NCAM2: variants seen among roughly 807,000 people sequenced by gnomAD.
NCAM2 encodes N-CAM-2.
A neutral mutation model predicts 98.1 loss-of-function variants in NCAM2; 30 were observed. The observed-to-expected ratio is 0.31, with a 90% CI of 0.23 to 0.41. The LOEUF (loss-of-function observed/expected upper bound fraction) is 0.41. Among genes scored for constraint, NCAM2 ranks in the 10% least tolerant of loss-of-function variants. NCAM2 has a pLI of 1.00. For synonymous variants in NCAM2, 368 were observed against 342.4 expected (o/e 1.07, Z -0.83); for missense variants, 867 against 1,005.8 (o/e 0.86, Z 1.87).
chr21:21,301,396 T>A (rs888565833), intron 5 of NCAM2, among the ~76,000 whole-genome samples: 28 of 138,594 alleles, frequency 2.0e-4, no homozygotes, highest in East Asian at 1.7e-3. Flanking sequence ...TTTTTTTTTT[T>A]AATTATACTT....
At chr21:21,462,238 A>G (rs9977956) in intron 12 of NCAM2, among the ~76,000 whole-genome samples, 6,592 of 152,138 alleles carry the variant, frequency 0.043, 480 homozygotes, top group African/African-American at 0.15. Context: ...ATTGGGGTTA[A>G]GTGATAAAGC....
chr21:21,184,009 T>G (rs2146927557), intron 1 of NCAM2, among the ~76,000 whole-genome samples: 1 of 152,226 alleles, frequency 6.6e-6, no homozygotes, highest in South Asian at 2.1e-4. Context: ...ACCAGAATGT[T>G]TATTATCTTA....
At chr21:21,365,238 CGT>C (rs66559489) in intron 8 of NCAM2, among the ~76,000 whole-genome samples, 1,900 of 146,980 alleles carry the variant, frequency 0.013, 47 homozygotes, top group African/African-American at 0.045. Flanking sequence ...TTGCTTAGTG[CGT>C]GTGTGTGTGT....
intron 12 of NCAM2, among the ~76,000 whole-genome samples, chr21:21,435,691 A>C (rs926579882): frequency 6.6e-6 from 1 of 152,162 alleles, no homozygotes; most frequent in Non-Finnish European, 1.5e-5. Context: ...CTACAGAAAC[A>C]TGCCCGCTAC....
chr21:21,363,744 A>G (rs2075712423), intron 8 of NCAM2, among the ~76,000 whole-genome samples: 1 of 152,074 alleles, frequency 6.6e-6, no homozygotes, highest in Non-Finnish European at 1.5e-5. Flanking sequence ...TTTTTACAAA[A>G]TCCATACTCT....
intron 1 of NCAM2, among the ~76,000 whole-genome samples, chr21:21,114,612 T>C (rs2066516343): frequency 6.6e-6 from 1 of 152,188 alleles, no homozygotes; most frequent in Admixed American, 6.5e-5. Flanking sequence ...TGAGCTACTT[T>C]AATGATGCCA....
chr21:21,474,629 A>T (rs768198884), intron 14 of NCAM2, among the ~76,000 whole-genome samples: 1 of 152,042 alleles, frequency 6.6e-6, no homozygotes, highest in Non-Finnish European at 1.5e-5. Context: ...ATTTACTCAC[A>T]TCAACCACTT....
intron 16 of NCAM2, among the ~76,000 whole-genome samples, chr21:21,530,257 AT>A (rs1376535990): frequency 7.7e-6 from 1 of 130,632 alleles, no homozygotes; most frequent in Non-Finnish European, 1.6e-5. Context: ...ATTATATATA[AT>A]TTAATTTAAT....
intron 16 of NCAM2, among the ~76,000 whole-genome samples, chr21:21,528,807 C>G (rs1433042292): frequency 6.6e-6 from 1 of 151,936 alleles, no homozygotes; most frequent in Admixed American, 6.6e-5. Context: ...CTGAATTACA[C>G]TAATCTAAAT....
At chr21:21,341,554 G>C (rs141229137) in intron 8 of NCAM2, among the ~76,000 whole-genome samples, 179 of 152,174 alleles carry the variant, frequency 1.2e-3, no homozygotes, top group African/African-American at 4.1e-3. Flanking sequence ...GTCAAGTTTT[G>C]ATGAAACTAA....
chr21:21,191,000 T>A (rs2068803603), intron 1 of NCAM2, among the ~76,000 whole-genome samples: 1 of 152,188 alleles, frequency 6.6e-6, no homozygotes, highest in African/African-American at 2.4e-5. Flanking sequence ...ATACAGTATT[T>A]ATTAGATACT....
intron 6 of NCAM2, among the ~76,000 whole-genome samples, chr21:21,332,804 G>A (rs906818050): frequency 6.6e-6 from 1 of 152,274 alleles, no homozygotes. Context: ...GGCAGTCAGC[G>A]ATGGAGGTAC....
At chr21:21,221,263 G>A (rs1008581532) in intron 1 of NCAM2, among the ~76,000 whole-genome samples, 4 of 151,874 alleles carry the variant, frequency 2.6e-5, no homozygotes, top group African/African-American at 7.3e-5. Context: ...TTGAAATTTG[G>A]TCAATTACCA....
At chr21:21,309,180 T>C (rs896405651) in intron 5 of NCAM2, among the ~76,000 whole-genome samples, 2 of 152,218 alleles carry the variant, frequency 1.3e-5, no homozygotes, top group Admixed American at 1.3e-4. Context: ...AATTATATTT[T>C]ATCCTCATTA....
chr21:21,039,607 G>A (rs2064864906), intron 1 of NCAM2, among the ~76,000 whole-genome samples: 1 of 151,946 alleles, frequency 6.6e-6, no homozygotes, highest in Admixed American at 6.6e-5. Flanking sequence ...TGTAACTTCA[G>A]GGCAAAAGGA....
chr21:21,464,947 A>G (rs191657632), intron 12 of NCAM2, among the ~76,000 whole-genome samples: 4 of 152,186 alleles, frequency 2.6e-5, no homozygotes, highest in African/African-American at 9.6e-5. Flanking sequence ...CAATCAATCT[A>G]TTCCCAATTG....
intron 6 of NCAM2, among the ~76,000 whole-genome samples, chr21:21,326,702 C>T (rs2074520567): frequency 6.6e-6 from 1 of 151,954 alleles, no homozygotes; most frequent in Admixed American, 6.6e-5. Context: ...TCCATATCTT[C>T]ATATGGTATT....
At chr21:21,533,512 C>A (rs1005028396) in intron 16 of NCAM2, among the ~76,000 whole-genome samples, 4 of 151,844 alleles carry the variant, frequency 2.6e-5, no homozygotes, top group Admixed American at 1.3e-4. Flanking sequence ...AGCTTACTTA[C>A]CCATTACCTA....
chr21:21,122,894 T>C (rs1459520256), intron 1 of NCAM2, among the ~76,000 whole-genome samples: 1 of 152,100 alleles, frequency 6.6e-6, no homozygotes, highest in Non-Finnish European at 1.5e-5. Flanking sequence ...GTGCAAACTA[T>C]CTATTGCAGT....
Sources: allele counts gnomAD v4.1 joint callset (sites outside exome capture counted in the v4.1 genomes callset), GRCh38; gene constraint gnomAD v4.1.1; transcripts MANE v1.5; gene names NCBI Gene and HGNC (gene_info 2026-07-23, HGNC 2026-07-21).